PUDP: variants seen among roughly 807,000 people sequenced by gnomAD.
PUDP encodes pseudouridine 5'-phosphatase.
A neutral mutation model predicts 9.4 loss-of-function variants in PUDP; 8 were observed. The observed-to-expected ratio is 0.85, with a 90% CI of 0.50 to 1.53. PUDP has a LOEUF of 1.53. Among genes scored for constraint, PUDP ranks in the 40% most tolerant of loss-of-function variants. The pLI is 0.00. For synonymous variants in PUDP, 99 were observed against 80.7 expected, an observed-to-expected ratio of 1.23 and a Z score of -1.22; for missense variants, 188 against 189.7, an observed-to-expected ratio of 0.99 and a Z score of 0.05.
intron 3 of PUDP, among the ~76,000 whole-genome samples, chrX:6,930,784 G>A (rs759537890): frequency 9.0e-6 from 1 of 110,753 alleles, no homozygotes; most frequent in African/African-American, 3.3e-5. Flanking sequence ...TGAATTGGGA[G>A]CCCTCTCCAG....
intron 3 of PUDP, among the ~76,000 whole-genome samples, chrX:6,766,616 G>A (rs191815484): frequency 9.0e-6 from 1 of 111,441 alleles, no homozygotes; most frequent in East Asian, 2.8e-4. Context: ...TCCAAAATAG[G>A]AATAGTACCA....
chrX:7,138,772 G>C (rs1387258151), intron 1 of PUDP, among the ~76,000 whole-genome samples: 1 of 112,180 alleles, frequency 8.9e-6, no homozygotes, highest in Non-Finnish European at 1.9e-5. Flanking sequence ...AGGTGCTCCA[G>C]CTATGCAAAC....
At chrX:6,873,526 T>C (rs1927206761) in intron 3 of PUDP, among the ~76,000 whole-genome samples, 1 of 111,908 alleles carries the variant, frequency 8.9e-6, no homozygotes, top group South Asian at 3.7e-4. Flanking sequence ...GGCTCATAGA[T>C]TTTGTTTTTA....
chrX:6,877,710 G>C (rs1169991012), intron 3 of PUDP, among the ~76,000 whole-genome samples: 1 of 111,828 alleles, frequency 8.9e-6, no homozygotes, highest in East Asian at 2.8e-4. Flanking sequence ...GCAAAACTGT[G>C]ACTAAGCTTG....
chrX:6,847,638 T>C (rs752357630), intron 3 of PUDP, among the ~76,000 whole-genome samples: 97 of 112,576 alleles, frequency 8.6e-4, no homozygotes, highest in Admixed American at 2.2e-3. Flanking sequence ...CTCATTGACT[T>C]CTCACAATAT....
intron 3 of PUDP, among the ~76,000 whole-genome samples, chrX:6,859,653 G>GT (rs1926967069): frequency 9.0e-6 from 1 of 110,886 alleles, no homozygotes; most frequent in Non-Finnish European, 1.9e-5. Context: ...ACCTTAAATT[G>GT]TTTTTTTCTG....
At chrX:6,867,355 G>A (rs1339628884) in intron 3 of PUDP, among the ~76,000 whole-genome samples, 1 of 112,097 alleles carries the variant, frequency 8.9e-6, no homozygotes, top group African/African-American at 3.2e-5. Flanking sequence ...CACTAAGCAA[G>A]GAATACAGCA....
At chrX:6,853,746 C>G (rs192357760) in intron 3 of PUDP, among the ~76,000 whole-genome samples, 1 of 111,534 alleles carries the variant, frequency 9.0e-6, no homozygotes, top group Admixed American at 9.5e-5. Context: ...TTGTGTCTGG[C>G]TTCTTTTACA....
intron 3 of PUDP, among the ~76,000 whole-genome samples, chrX:6,932,727 G>T (rs1365844071): frequency 8.9e-6 from 1 of 111,961 alleles, no homozygotes; most frequent in African/African-American, 3.2e-5. Context: ...CAAAGAAAGG[G>T]GTGACGGACG....
At chrX:7,094,820 T>G (rs1168898430) in intron 2 of PUDP, among the ~76,000 whole-genome samples, 1 of 112,177 alleles carries the variant, frequency 8.9e-6, no homozygotes, top group Non-Finnish European at 1.9e-5. Context: ...AAGTTGAATG[T>G]GTTACCATGA....
At chrX:7,002,374 GT>G (rs1377103106) in intron 1 of PUDP, among the ~76,000 whole-genome samples, 1 of 112,118 alleles carries the variant, frequency 8.9e-6, no homozygotes, top group Non-Finnish European at 1.9e-5. Flanking sequence ...TGCTGACAAT[GT>G]ACTGGAGGAC....
intron 3 of PUDP, among the ~76,000 whole-genome samples, chrX:7,062,256 G>T (rs1240750155): frequency 9.0e-6 from 1 of 111,584 alleles, no homozygotes; most frequent in Non-Finnish European, 1.9e-5. Flanking sequence ...CAGGAAACAT[G>T]CACTGGGGAA....
At chrX:6,816,731 T>C (rs931268811) in intron 3 of PUDP, among the ~76,000 whole-genome samples, 10 of 97,357 alleles carry the variant, frequency 1.0e-4, no homozygotes, top group Non-Finnish European at 1.6e-4. Flanking sequence ...ACAATATATA[T>C]ACACACATAG....
At chrX:7,095,977 A>G (rs1392128414) in intron 2 of PUDP, among the ~76,000 whole-genome samples, 1 of 111,925 alleles carries the variant, frequency 8.9e-6, no homozygotes, top group Non-Finnish European at 1.9e-5. Flanking sequence ...GACAAACCAA[A>G]GCAGCACAGC....
intron 3 of PUDP, among the ~76,000 whole-genome samples, chrX:6,835,071 G>A (rs966462733): frequency 9.0e-6 from 1 of 111,227 alleles, no homozygotes; most frequent in Non-Finnish European, 1.9e-5. Context: ...AGTAGAGAGA[G>A]GTTGTTTGAG....
chrX:6,746,742 T>C (rs1029202396), intron 3 of PUDP, among the ~76,000 whole-genome samples: 5 of 111,525 alleles, frequency 4.5e-5, no homozygotes, highest in Non-Finnish European at 9.4e-5. Context: ...ACAAAGGTCA[T>C]GATCTCATTC....
At chrX:7,089,119 G>T (rs1378900765) in intron 2 of PUDP, among the ~76,000 whole-genome samples, 1 of 111,501 alleles carries the variant, frequency 9.0e-6, no homozygotes, top group African/African-American at 3.3e-5. Context: ...ACAGAAGAGT[G>T]GGGGCTGAGC....
intron 2 of PUDP, among the ~76,000 whole-genome samples, chrX:7,101,290 C>CA (rs1200976965): frequency 4.1e-4 from 40 of 98,042 alleles, no homozygotes; most frequent in African/African-American, 7.8e-4. Flanking sequence ...TTTGTCAAGT[C>CA]AAAAAAAAAA....
chrX:6,895,608 G>A (rs984155461), intron 3 of PUDP, among the ~76,000 whole-genome samples: 6 of 110,760 alleles, frequency 5.4e-5, no homozygotes, highest in Non-Finnish European at 9.4e-5. Flanking sequence ...CCCAAGGAAT[G>A]AGTCAAATTG....
Sources: allele counts gnomAD v4.1 joint callset (sites outside exome capture counted in the v4.1 genomes callset), GRCh38; gene constraint gnomAD v4.1.1; transcripts MANE v1.5; gene names NCBI Gene and HGNC (gene_info 2026-07-23, HGNC 2026-07-21).